EEA1: variants seen among roughly 807,000 people sequenced by gnomAD.
The protein encoded by EEA1 is early endosome antigen 1, 162kD.
EEA1 carries 111 observed loss-of-function variants against 209.2 expected under a neutral mutation model. That is an observed-to-expected ratio of 0.53 (90% CI 0.45 to 0.62). The LOEUF (loss-of-function observed/expected upper bound fraction) is 0.62. Ranked by LOEUF, EEA1 falls within the 20% of genes least tolerant of loss-of-function variation. The pLI, the probability that EEA1 is intolerant of heterozygous loss-of-function variation, is 0.00. For missense variants in EEA1, 1,343 were observed against 1,530.8 expected, an observed-to-expected ratio of 0.88 and a Z score of 2.05; for synonymous variants, 536 against 540.6, an observed-to-expected ratio of 0.99 and a Z score of 0.12.
At position 92,802,562 on chromosome 12, in the gene EEA1, C is replaced by G. The variant is rs766440469; in HGVS notation, c.2512G>C (p.Val838Leu). 19 of 1,601,826 alleles carry G rather than the reference C, an allele frequency of 1.2e-5. No individual in the cohort carries two copies. The highest frequency in any genetic ancestry group is 1.6e-5 in the Non-Finnish European group (19 of 1,176,156). ...EELNNRIQTT[V>L]TELQKVKMEK... is the part of the protein sequence containing the mutation. The stretch of plus-strand genomic sequence containing the variant: ...ATTTTCACTTTTTGTAGTTCTGTTA[C>G]TGTTGTTTGAATTCTGTTATTCAAT... The change falls in exon 19 of 29, where the codon GTA becomes CTA. Residue 838 changes from valine to leucine, a missense_variant. By Grantham distance (32) the Val-to-Leu change is conservative (BLOSUM62 1). Around this residue, in one of 3 missense-constraint regions of EEA1, gnomAD observed 1,307 missense variants for 1,465.5 expected, o/e 0.89. Transcript: ENST00000322349.
intron 10 of EEA1, among the ~76,000 whole-genome samples, chr12:92,842,201 A>T (rs1877196683): frequency 6.6e-6 from 1 of 152,122 alleles, no homozygotes; most frequent in African/African-American, 2.4e-5. Flanking sequence ...TAGGGTAGTC[A>T]AATTTTAGAG....
intron 2 of EEA1, 68 bp downstream of exon 2, chr12:92,891,561 C>T (rs1879654392): frequency 4.9e-6 from 6 of 1,220,726 alleles, no homozygotes; most frequent in Non-Finnish European, 6.9e-6. Context: ...AATCACCAAT[C>T]GTTACACCAA....
chr12:92,858,384 A>G lies in EEA1; in HGVS notation c.246-899T>C, dbSNP rs1877982761. ...TGATTCTTCCAAAGGGTTTGACTACAAGACTTGTAATGTGCTGGTAGCCTT... is the reference window on the plus strand; with the variant it reads ...TGATTCTTCCAAAGGGTTTGACTACGAGACTTGTAATGTGCTGGTAGCCTT... On this transcript the variant is annotated intron_variant, in intron 3 of 28. Transcript: ENST00000322349. The G allele has an allele frequency of 2.8e-6, 3 of 1,076,094 alleles. No individual in the cohort carries two copies. The Admixed American group carries it at 5.2e-5, about 19-fold the overall frequency. The allele number at this position is 1,076,094 out of a possible 1,614,324, so 66.7% of individuals were successfully genotyped here. A position where few individuals can be genotyped will look rare whatever the true frequency, so the allele number is the denominator to read the frequency against.
intron 18 of EEA1, among the ~76,000 whole-genome samples, chr12:92,803,310 T>C (rs1875030163): frequency 6.6e-6 from 1 of 152,110 alleles, no homozygotes; most frequent in African/African-American, 2.4e-5. Context: ...TACAAAGGAT[T>C]TGTTATCATT....
At chr12:92,866,509 A>G (rs1173630489) in intron 2 of EEA1, among the ~76,000 whole-genome samples, 1 of 151,990 alleles carries the variant, frequency 6.6e-6, no homozygotes, top group Admixed American at 6.6e-5. Flanking sequence ...TTTTACATAT[A>G]AGAATGGTCA....
chr12:92,861,405 A>G lies in EEA1; in HGVS notation c.245+3455T>C, dbSNP rs992604974. On this transcript the variant is annotated intron_variant, in intron 3 of 28. Transcript: ENST00000322349. Reference sequence around the variant, plus strand: ...AGGAGGTATCGGTTGCGGTGAGCCGAGATTGTGCCATTGCACTCCAGCCTG... The same window carrying G: ...AGGAGGTATCGGTTGCGGTGAGCCGGGATTGTGCCATTGCACTCCAGCCTG... Among the ~76,000 whole-genome samples, 12 of 152,206 alleles carry G rather than the reference A, an allele frequency of 7.9e-5. No individual in the cohort carries two copies. In the South Asian group the frequency reaches 1.2e-3, roughly 16 times the overall value.
intron 11 of EEA1, among the ~76,000 whole-genome samples, chr12:92,828,419 C>T (rs924218769): frequency 1.3e-5 from 2 of 151,960 alleles, no homozygotes; most frequent in African/African-American, 4.8e-5. Flanking sequence ...ACACTCAGAT[C>T]TATTTTACAG....
intron 15 of EEA1, 35 bp downstream of exon 15, chr12:92,816,165 C>T (rs754188564): frequency 6.4e-7 from 1 of 1,574,714 alleles, no homozygotes; most frequent in Non-Finnish European, 8.7e-7. Flanking sequence ...CGGTCTAAAA[C>T]TGGTGCTTTA....
At chr12:92,809,650 G>A (rs1274109285) in intron 17 of EEA1, among the ~76,000 whole-genome samples, 5 of 149,300 alleles carry the variant, frequency 3.3e-5, no homozygotes, top group African/African-American at 7.4e-5. Context: ...AGCTGAGATC[G>A]CACCACTACA....
chr12:92,868,654 C>T (rs867085200), intron 2 of EEA1, among the ~76,000 whole-genome samples: 4 of 152,328 alleles, frequency 2.6e-5, no homozygotes, highest in Middle Eastern at 3.4e-3. Context: ...CAGTAACATA[C>T]ATTTCATTAT....
At chr12:92,850,825 T>C (rs994181270) in intron 9 of EEA1, among the ~76,000 whole-genome samples, 1 of 151,992 alleles carries the variant, frequency 6.6e-6, no homozygotes, top group African/African-American at 2.4e-5. Flanking sequence ...CAATTACCAT[T>C]TATCAACCAA....
intron 2 of EEA1, among the ~76,000 whole-genome samples, chr12:92,872,614 G>A (rs979081959): frequency 6.6e-6 from 1 of 152,152 alleles, no homozygotes. Context: ...AATATGGGCT[G>A]TTATACTGAT....
chr12:92,855,124 G>C (rs977594861), intron 5 of EEA1, among the ~76,000 whole-genome samples: 3 of 147,306 alleles, frequency 2.0e-5, no homozygotes. Flanking sequence ...ACTAAAACTT[G>C]CATTAGTTAA....
rs183164350 is a variant in EEA1 at position 92,897,947 on chromosome 12, G to A, written c.25-6226C>T. ...CACACTTAATAGACTACAGTATGCCGTGAATATAATTTTTATATGCACTGT... is the reference window on the plus strand; with the variant it reads ...CACACTTAATAGACTACAGTATGCCATGAATATAATTTTTATATGCACTGT... On this transcript the variant is annotated intron_variant, in intron 1 of 28. Coordinates refer to ENST00000322349, the MANE Select transcript of EEA1 (RefSeq NM_003566.4). Among the ~76,000 whole-genome samples the A allele has an allele frequency of 8.5e-5, 13 of 152,276 alleles. No homozygotes were observed. The East Asian group carries it at 1.5e-3, about 18-fold the overall frequency.
intron 2 of EEA1, among the ~76,000 whole-genome samples, chr12:92,888,899 C>T (rs760135815): frequency 1.6e-4 from 24 of 152,100 alleles, no homozygotes; most frequent in Non-Finnish European, 3.4e-4. Flanking sequence ...CCTATAATCC[C>T]GGCACTTTGG....
intron 15 of EEA1, among the ~76,000 whole-genome samples, 178 bp downstream of exon 15, chr12:92,816,022 G>A (rs561216888): frequency 2.0e-4 from 31 of 151,516 alleles, no homozygotes; most frequent in African/African-American, 7.3e-4. Context: ...CAGAGAGGGG[G>A]AGCAGGGGAG....
chr12:92,776,916 T>G lies in EEA1; in HGVS notation c.4041A>C (p.Arg1347Ser). ...LQIKHTQALNRKWAEDNEVQN... is the reference protein window; with the variant it reads ...LQIKHTQALNSKWAEDNEVQN... ...GTACTTCATTGTCTTCGGCCCACTT[T>G]CTATTCAACGCTTGTGTATGTTTGA... Residue 1347 changes from arginine (R) to serine (S), a missense_variant, in exon 28 of 29, where the codon AGA (arginine) becomes AGC (serine). Arg to Ser is a moderately radical substitution (Grantham distance 110, BLOSUM62 -1). This residue lies in a region of EEA1 where 1,307 missense variants were observed against 1,465.5 expected (regional missense o/e 0.89). Transcript: ENST00000322349. 1.2e-6 allele frequency: 2 copies of G among 1,611,918 alleles called. No homozygotes were observed. Among genetic ancestry groups the G allele is most frequent in the Non-Finnish European group, 1.7e-6 (2 of 1,178,430 alleles).
At chr12:92,815,043 A>T (rs1875713353) in intron 15 of EEA1, among the ~76,000 whole-genome samples, 1 of 152,216 alleles carries the variant, frequency 6.6e-6, no homozygotes, top group South Asian at 2.1e-4. Flanking sequence ...CTCAAAAGAA[A>T]AGTAAGGCCA....
chr12:92,828,081 A>C lies in EEA1; in HGVS notation c.1255-20T>G, dbSNP rs77549806. 668 of 1,544,826 alleles carry C rather than the reference A, an allele frequency of 4.3e-4. 6 individuals are homozygous for C. The African/African-American group carries it at 8.8e-3, about 20-fold the overall frequency. On this transcript the variant is annotated intron_variant, in intron 11 of 28. Coordinates refer to ENST00000322349, the MANE Select transcript of EEA1 (RefSeq NM_003566.4). ...ATGTAACTTTAAAAAAAGAAAAAAA[A>C]ATGTATGTACATATGTACAAACACA...
Sources: gnomAD v4.1 joint callset for allele counts (sites outside exome capture counted in the v4.1 genomes callset) on GRCh38, gnomAD v4.1.1 for gene constraint, gnomAD v4.1.1 regional missense constraint, MANE v1.5 for transcripts, NCBI Gene and HGNC (gene_info 2026-07-23, HGNC 2026-07-21) for gene names.